The following KCNIP4 variants were observed in gnomAD, a reference collection of about 807,000 sequenced individuals.
KCNIP4 encodes potassium voltage-gated channel interacting protein 4.
A neutral mutation model predicts 34.0 loss-of-function variants in KCNIP4; 12 were observed. That is an observed-to-expected ratio of 0.35 (90% confidence interval 0.23 to 0.57). KCNIP4 has a LOEUF of 0.57. KCNIP4 is among the 20% of genes least tolerant of loss of function. The probability of loss-of-function intolerance (pLI) is 0.83; values close to 1 mark genes in which losing one functional copy is unlikely to be tolerated. For missense variants in KCNIP4, 238 were observed against 311.7 expected, an observed-to-expected ratio of 0.76 and a Z score of 1.78; for synonymous variants, 124 against 102.2, an observed-to-expected ratio of 1.21 and a Z score of -1.29.
At chr4:21,366,324 G>A (rs1389822151) in intron 1 of KCNIP4, among the ~76,000 whole-genome samples, 6 of 152,114 alleles carry the variant, frequency 3.9e-5, no homozygotes, top group Non-Finnish European at 2.9e-5. Context: ...TGCATGCAAC[G>A]CAGTGATTAT....
chr4:21,732,361 T>A (rs574069469), intron 1 of KCNIP4, among the ~76,000 whole-genome samples: 1 of 152,186 alleles, frequency 6.6e-6, no homozygotes, highest in Non-Finnish European at 1.5e-5. Context: ...GCATACTAAG[T>A]GATTGCCCAT....
chr4:21,305,740 G>A (rs1465932109), intron 1 of KCNIP4, among the ~76,000 whole-genome samples: 1 of 151,996 alleles, frequency 6.6e-6, no homozygotes, highest in African/African-American at 2.4e-5. Flanking sequence ...ACTCATTCTG[G>A]GCTTTTCCAT....
chr4:21,203,345 G>GA (rs138045561), intron 1 of KCNIP4, among the ~76,000 whole-genome samples: 14,384 of 152,044 alleles, frequency 0.095, 2,221 homozygotes, highest in African/African-American at 0.33. Context: ...ATGATTGGCA[G>GA]AAAAAAGGGG....
intron 1 of KCNIP4, among the ~76,000 whole-genome samples, chr4:21,064,812 G>A (rs539593374): frequency 2.2e-4 from 33 of 151,902 alleles, no homozygotes; most frequent in South Asian, 6.2e-4. Flanking sequence ...AAAAAATGGC[G>A]GTATATGTGA....
At chr4:20,984,724 C>A (rs1271831469) in intron 1 of KCNIP4, among the ~76,000 whole-genome samples, 1 of 152,164 alleles carries the variant, frequency 6.6e-6, no homozygotes, top group African/African-American at 2.4e-5. Context: ...GGACGGAGGG[C>A]GTGGCGGAGC....
At chr4:21,657,896 G>A (rs1418549614) in intron 1 of KCNIP4, among the ~76,000 whole-genome samples, 2 of 151,318 alleles carry the variant, frequency 1.3e-5, no homozygotes, top group East Asian at 3.9e-4. Flanking sequence ...CTGCAGTGCA[G>A]TGGAACGATC....
intron 1 of KCNIP4, among the ~76,000 whole-genome samples, chr4:21,251,467 G>A (rs1400956187): frequency 6.6e-6 from 1 of 151,986 alleles, no homozygotes; most frequent in South Asian, 2.1e-4. Context: ...CTAGAACAAG[G>A]TTTAATCACT....
At position 21,291,887 on chromosome 4, in the gene KCNIP4, G is replaced by C. The variant is rs374957148; in HGVS notation, c.62-409178C>G. ...AAAAAAAAAGAAAGAAAGAAAGAAA[G>C]AAAGAAAGAAAGAAAGAAAGAAAGA... On this transcript the variant is annotated intron_variant, in intron 1 of 8. Coordinates refer to ENST00000382152, the MANE Select transcript of KCNIP4 (RefSeq NM_025221.6). Among the ~76,000 whole-genome samples, 3 of 26,470 alleles carry C rather than the reference G, an allele frequency of 1.1e-4. 1 individual carries two copies. The highest frequency in any genetic ancestry group is 8.2e-4 in the African/African-American group (3 of 3,672). The allele number at this position is 26,470 out of a possible 152,430, so 17.4% of individuals were successfully genotyped here.
At chr4:21,925,807 G>A (rs1307658184) in intron 1 of KCNIP4, among the ~76,000 whole-genome samples, 2 of 152,120 alleles carry the variant, frequency 1.3e-5, no homozygotes, top group African/African-American at 2.4e-5. Flanking sequence ...AGAGAGACTG[G>A]TGATCCCAGC....
chr4:20,800,912 G>T (rs965557942), intron 3 of KCNIP4, among the ~76,000 whole-genome samples: 7 of 152,118 alleles, frequency 4.6e-5, no homozygotes. Context: ...GAGAGATATG[G>T]ACATTCAGAT....
intron 1 of KCNIP4, among the ~76,000 whole-genome samples, chr4:21,817,056 C>A (rs1001488057): frequency 2.6e-5 from 4 of 152,004 alleles, no homozygotes; most frequent in African/African-American, 9.7e-5. Context: ...CTAATGTTGA[C>A]CCTGTGTTCT....
At chr4:21,527,433 G>GGAA (rs1254775554) in intron 1 of KCNIP4, among the ~76,000 whole-genome samples, 2 of 152,108 alleles carry the variant, frequency 1.3e-5, no homozygotes, top group African/African-American at 2.4e-5. Flanking sequence ...GCAACATAAT[G>GGAA]GAAGGGGCAT....
chr4:21,587,728 T>C (rs1741749733), intron 1 of KCNIP4, among the ~76,000 whole-genome samples: 1 of 152,036 alleles, frequency 6.6e-6, no homozygotes, highest in South Asian at 2.1e-4. Flanking sequence ...AACCATTGTG[T>C]TTGCCATGTT....
intron 1 of KCNIP4, among the ~76,000 whole-genome samples, chr4:21,747,534 A>G (rs541130230): frequency 6.6e-6 from 1 of 152,234 alleles, no homozygotes; most frequent in South Asian, 2.1e-4. Context: ...CCTGTGAAAT[A>G]TTGTATTTTA....
At chr4:21,419,354 A>T (rs1227977827) in intron 1 of KCNIP4, among the ~76,000 whole-genome samples, 5 of 151,880 alleles carry the variant, frequency 3.3e-5, no homozygotes, top group African/African-American at 1.2e-4. Context: ...ACACCAGGAA[A>T]ATGATGATGA....
intron 1 of KCNIP4, among the ~76,000 whole-genome samples, chr4:20,962,850 G>A (rs1733979459): frequency 6.6e-6 from 1 of 152,118 alleles, no homozygotes; most frequent in Non-Finnish European, 1.5e-5. Flanking sequence ...CTAAAGTGTT[G>A]TTCAACTCAT....
intron 3 of KCNIP4, among the ~76,000 whole-genome samples, chr4:20,795,777 T>G (rs1334000834): frequency 1.3e-5 from 2 of 152,240 alleles, no homozygotes; most frequent in African/African-American, 4.8e-5. Context: ...AGATCTATTG[T>G]CACAGTGCTT....
chr4:21,421,257 A>T (rs1725428087), intron 1 of KCNIP4, among the ~76,000 whole-genome samples: 1 of 152,182 alleles, frequency 6.6e-6, no homozygotes, highest in Non-Finnish European at 1.5e-5. Flanking sequence ...ATGATCCAGC[A>T]ATCTCATTTC....
At chr4:20,754,889 C>T (rs536571324) in intron 4 of KCNIP4, among the ~76,000 whole-genome samples, 1 of 152,288 alleles carries the variant, frequency 6.6e-6, no homozygotes, top group Non-Finnish European at 1.5e-5. Context: ...TAAAGATTTT[C>T]ATCTGCATTG....
Sources: gnomAD v4.1 joint callset for allele counts (sites outside exome capture counted in the v4.1 genomes callset) on GRCh38, gnomAD v4.1.1 for gene constraint, MANE v1.5 for transcripts, NCBI Gene and HGNC (gene_info 2026-07-23, HGNC 2026-07-21) for gene names.